The following ARHGAP15 variants were observed in gnomAD, a reference collection of about 807,000 sequenced individuals.
The protein encoded by ARHGAP15 is rho GTPase-activating protein 15.
ARHGAP15 carries 51 observed loss-of-function variants against 63.7 expected under a neutral mutation model. The ratio of observed to expected loss-of-function variants is 0.80; its 90% CI spans 0.64 to 1.01. ARHGAP15 has a LOEUF of 1.01. Among genes scored for constraint, ARHGAP15 ranks in the 50% least tolerant of loss-of-function variants. The pLI is 0.00. For synonymous variants in ARHGAP15, 191 were observed against 193.8 expected (o/e 0.99, Z 0.12); for missense variants, 560 against 564.6 (o/e 0.99, Z 0.08).
chr2:143,191,281 A>C (rs565398270), intron 2 of ARHGAP15, among the ~76,000 whole-genome samples: 1 of 152,332 alleles, frequency 6.6e-6, no homozygotes, highest in South Asian at 2.1e-4. Flanking sequence ...AGTAGATGTC[A>C]AAGCTCCTAA....
chr2:143,292,078 T>TG (rs1558870879), intron 6 of ARHGAP15, among the ~76,000 whole-genome samples: 1 of 150,168 alleles, frequency 6.7e-6, no homozygotes, highest in Non-Finnish European at 1.5e-5. Flanking sequence ...CAAATTAATA[T>TG]TAATAACAAT....
intron 6 of ARHGAP15, among the ~76,000 whole-genome samples, chr2:143,403,648 T>C (rs1688078748): frequency 6.6e-6 from 1 of 151,886 alleles, no homozygotes; most frequent in African/African-American, 2.4e-5. Context: ...GGAAGAAATA[T>C]ATGCGTGAGA....
At chr2:143,673,575 G>C (rs1193514858) in intron 12 of ARHGAP15, among the ~76,000 whole-genome samples, 1 of 151,064 alleles carries the variant, frequency 6.6e-6, no homozygotes, top group East Asian at 2.0e-4. Flanking sequence ...TGGGATTACA[G>C]GTGTGAGCCA....
intron 11 of ARHGAP15, among the ~76,000 whole-genome samples, chr2:143,576,781 C>A (rs1696697380): frequency 6.6e-6 from 1 of 152,184 alleles, no homozygotes; most frequent in East Asian, 1.9e-4. Flanking sequence ...CTTTTTCACC[C>A]ACTGACTAAA....
intron 2 of ARHGAP15, among the ~76,000 whole-genome samples, chr2:143,182,964 C>G (rs1691297254): frequency 6.6e-6 from 1 of 152,094 alleles, no homozygotes; most frequent in Non-Finnish European, 1.5e-5. Context: ...AGACCAAAGG[C>G]CAGCTGCCAG....
At chr2:143,133,974 T>A (rs1012635934) in intron 1 of ARHGAP15, among the ~76,000 whole-genome samples, 9 of 152,210 alleles carry the variant, frequency 5.9e-5, no homozygotes, top group Admixed American at 5.9e-4. Flanking sequence ...ATTCTCTTTT[T>A]TACAGCTGTA....
intron 2 of ARHGAP15, among the ~76,000 whole-genome samples, chr2:143,176,490 AT>A (rs1282904783): frequency 6.6e-6 from 1 of 152,144 alleles, no homozygotes; most frequent in East Asian, 1.9e-4. Context: ...TAGTTAAATT[AT>A]TACATGATAG....
chr2:143,186,097 T>C (rs1198601370), intron 2 of ARHGAP15, among the ~76,000 whole-genome samples: 1 of 152,204 alleles, frequency 6.6e-6, no homozygotes, highest in Non-Finnish European at 1.5e-5. Context: ...TTATTGCTGC[T>C]GAGTTGGGTG....
chr2:143,348,450 C>T (rs1685399534), intron 6 of ARHGAP15, among the ~76,000 whole-genome samples: 2 of 151,754 alleles, frequency 1.3e-5, no homozygotes, highest in South Asian at 2.1e-4. Context: ...TTGCACTTGC[C>T]TATTTTCAGG....
intron 11 of ARHGAP15, among the ~76,000 whole-genome samples, chr2:143,623,160 G>C (rs1366955896): frequency 2.0e-5 from 3 of 152,218 alleles, no homozygotes; most frequent in Non-Finnish European, 4.4e-5. Flanking sequence ...TGGCTCGACA[G>C]CAGTGCCTTT....
intron 6 of ARHGAP15, among the ~76,000 whole-genome samples, chr2:143,424,285 T>C (rs1477383939): frequency 1.3e-5 from 2 of 152,122 alleles, no homozygotes; most frequent in Non-Finnish European, 2.9e-5. Flanking sequence ...ATTGTAACTA[T>C]ACCATCTGTC....
At chr2:143,348,094 CATG>C (rs1314188812) in intron 6 of ARHGAP15, among the ~76,000 whole-genome samples, 2 of 152,086 alleles carry the variant, frequency 1.3e-5, no homozygotes, top group South Asian at 2.1e-4. Context: ...CTTTTGCTGA[CATG>C]ATCATATTTT....
At chr2:143,280,412 A>G (rs755212172) in intron 6 of ARHGAP15, among the ~76,000 whole-genome samples, 1 of 152,086 alleles carries the variant, frequency 6.6e-6, no homozygotes, top group Non-Finnish European at 1.5e-5. Context: ...TTCTAGGTCT[A>G]TTTATCACAT....
At chr2:143,590,590 C>T (rs1574672749) in intron 11 of ARHGAP15, among the ~76,000 whole-genome samples, 1 of 152,116 alleles carries the variant, frequency 6.6e-6, no homozygotes, top group East Asian at 1.9e-4. Context: ...TTTTCCTCAC[C>T]CCCAACCATC....
At chr2:143,396,756 T>C (rs1177088323) in intron 6 of ARHGAP15, among the ~76,000 whole-genome samples, 3 of 151,986 alleles carry the variant, frequency 2.0e-5, no homozygotes, top group African/African-American at 4.8e-5. Context: ...GAGGTCCAAA[T>C]GGCTCAAGCA....
intron 2 of ARHGAP15, among the ~76,000 whole-genome samples, chr2:143,186,190 G>T (rs1238727458): frequency 6.6e-6 from 1 of 152,068 alleles, no homozygotes; most frequent in Non-Finnish European, 1.5e-5. Context: ...ATATGAAATA[G>T]GAATACAATC....
chr2:143,303,320 C>A (rs915113109), intron 6 of ARHGAP15, among the ~76,000 whole-genome samples: 7 of 151,710 alleles, frequency 4.6e-5, no homozygotes, highest in African/African-American at 1.7e-4. Flanking sequence ...AAGAAAAAAC[C>A]AACCCCATCA....
intron 6 of ARHGAP15, among the ~76,000 whole-genome samples, chr2:143,315,328 G>A (rs1216823824): frequency 6.6e-6 from 1 of 152,038 alleles, no homozygotes; most frequent in Non-Finnish European, 1.5e-5. Flanking sequence ...GAAGGAATTA[G>A]GTAGCTTTCA....
At chr2:143,154,423 A>C (rs1192946660) in intron 1 of ARHGAP15, among the ~76,000 whole-genome samples, 1 of 151,874 alleles carries the variant, frequency 6.6e-6, no homozygotes, top group African/African-American at 2.4e-5. Flanking sequence ...GTGGCTATAC[A>C]CTTGCCTCCT....
Sources: allele counts gnomAD v4.1 joint callset (sites outside exome capture counted in the v4.1 genomes callset), GRCh38; gene constraint gnomAD v4.1.1; transcripts MANE v1.5; gene names NCBI Gene and HGNC (gene_info 2026-07-23, HGNC 2026-07-21).